The following SERGEF variants were observed in gnomAD, a reference collection of about 807,000 sequenced individuals.
SERGEF encodes secretion regulating guanine nucleotide exchange factor.
A neutral mutation model predicts 50.0 loss-of-function variants in SERGEF; 51 were observed. That is an observed-to-expected ratio of 1.02 (90% confidence interval 0.81 to 1.29). SERGEF has a LOEUF of 1.29. Ranked by LOEUF, SERGEF falls within the 50% of genes most tolerant of loss-of-function variation. SERGEF has a pLI of 0.00. For synonymous variants in SERGEF, 205 were observed against 212.4 expected, an observed-to-expected ratio of 0.97 and a Z score of 0.30; for missense variants, 521 against 557.0, an observed-to-expected ratio of 0.94 and a Z score of 0.65.
At chr11:17,887,867 C>T (rs1019671458) in intron 9 of SERGEF, among the ~76,000 whole-genome samples, 1 of 152,220 alleles carries the variant, frequency 6.6e-6, no homozygotes, top group African/African-American at 2.4e-5. Flanking sequence ...CCCTAGGCTG[C>T]AGACTGGTAA....
intron 10 of SERGEF, among the ~76,000 whole-genome samples, chr11:17,864,817 T>C (rs1850992057): frequency 1.3e-5 from 2 of 152,178 alleles, no homozygotes; most frequent in South Asian, 4.1e-4. Flanking sequence ...AAGCTAAACT[T>C]GAGTGCTAGT....
intron 10 of SERGEF, among the ~76,000 whole-genome samples, chr11:17,844,947 C>T (rs1196469035): frequency 6.6e-6 from 1 of 151,064 alleles, no homozygotes; most frequent in Non-Finnish European, 1.5e-5. Context: ...GAACAAAAAA[C>T]CCCTGTTTTA....
intron 9 of SERGEF, among the ~76,000 whole-genome samples, chr11:17,953,266 T>C (rs1479229869): frequency 6.6e-6 from 1 of 152,196 alleles, no homozygotes; most frequent in Admixed American, 6.5e-5. Flanking sequence ...AGGCAGAAAC[T>C]GTTCCACTCT....
intron 9 of SERGEF, among the ~76,000 whole-genome samples, chr11:17,922,596 G>C (rs1852179430): frequency 6.6e-6 from 1 of 152,138 alleles, no homozygotes; most frequent in African/African-American, 2.4e-5. Context: ...TGGTACTCAG[G>C]AGTTTACTCA....
intron 9 of SERGEF, among the ~76,000 whole-genome samples, chr11:17,935,666 A>G (rs1392243316): frequency 1.3e-5 from 2 of 152,190 alleles, no homozygotes; most frequent in African/African-American, 4.8e-5. Flanking sequence ...CCAACACAAA[A>G]GCCTTATTCC....
In SERGEF at chr11:17,844,454, T is replaced by A. The variant is rs186097560; in HGVS notation, c.1048+33754A>T. ...TAAGAACAGTATTTTCACCCTCTCG[T>A]ACCTCTGACCACCTCTTTCCTAGGC... On this transcript the variant is annotated intron_variant, in intron 10 of 10. Transcript: ENST00000265965. Among the ~76,000 whole-genome samples, 8 of 152,322 alleles carry A rather than the reference T, an allele frequency of 5.3e-5. No homozygotes were observed. The East Asian group carries it at 1.2e-3, about 22-fold the overall frequency.
chr11:17,953,276 T>A (rs1390745138), intron 9 of SERGEF, among the ~76,000 whole-genome samples: 2 of 152,248 alleles, frequency 1.3e-5, no homozygotes, highest in African/African-American at 4.8e-5. Flanking sequence ...TGTTCCACTC[T>A]TCTCTGCTTC....
At chr11:17,847,865 C>T (rs1850642958) in intron 10 of SERGEF, among the ~76,000 whole-genome samples, 1 of 152,120 alleles carries the variant, frequency 6.6e-6, no homozygotes. Flanking sequence ...GCCAGGGTAT[C>T]TGCAATTTAA....
chr11:17,869,704 T>G (rs1047610834), intron 10 of SERGEF, among the ~76,000 whole-genome samples: 3 of 152,158 alleles, frequency 2.0e-5, no homozygotes, highest in Non-Finnish European at 4.4e-5. Flanking sequence ...CGTTAGGGAA[T>G]AAATATCAAC....
At chr11:17,999,686 T>A (rs1413371744) in intron 5 of SERGEF, 1 of 398,450 alleles carries the variant, frequency 2.5e-6, no homozygotes, top group African/African-American at 2.1e-5. Context: ...GTCAGTCCCA[T>A]CACCCACTCA....
chr11:18,002,459 G>A (rs1180472238), intron 4 of SERGEF, among the ~76,000 whole-genome samples: 4 of 152,026 alleles, frequency 2.6e-5, no homozygotes, highest in African/African-American at 9.7e-5. Context: ...AACTACTTAC[G>A]ATATCCCAAA....
At chr11:17,914,352 AGATGACGATTTAAT>A (rs1852008685) in intron 9 of SERGEF, among the ~76,000 whole-genome samples, 1 of 152,246 alleles carries the variant, frequency 6.6e-6, no homozygotes, top group Non-Finnish European at 1.5e-5. Context: ...TTATCCTCAG[AGATGACGATTTAAT>A]GAATTTGGGG....
intron 10 of SERGEF, among the ~76,000 whole-genome samples, chr11:17,868,817 G>T (rs181161518): frequency 6.6e-6 from 1 of 152,258 alleles, no homozygotes; most frequent in East Asian, 1.9e-4. Context: ...CTTGTGCAGG[G>T]AAACTCCCCT....
chr11:17,954,705 C>T (rs2133967056), intron 9 of SERGEF, among the ~76,000 whole-genome samples: 1 of 152,338 alleles, frequency 6.6e-6, no homozygotes, highest in Non-Finnish European at 1.5e-5. Flanking sequence ...CACACACATG[C>T]ACGTGTATAC....
intron 9 of SERGEF, among the ~76,000 whole-genome samples, chr11:17,954,614 T>C (rs933716919): frequency 1.3e-5 from 2 of 152,216 alleles, no homozygotes; most frequent in African/African-American, 4.8e-5. Context: ...GCTGATGGCA[T>C]TTGGGCTTGA....
chr11:17,903,480 T>C lies in SERGEF; in HGVS notation c.1012-25236A>G, dbSNP rs551598388. Among the ~76,000 whole-genome samples, 17 of 152,306 alleles carry C rather than the reference T, an allele frequency of 1.1e-4. No homozygotes were observed. In the South Asian group the frequency reaches 3.5e-3, roughly 32 times the overall value. ...AGAAGATAGATATTTCCTTTTTCCC[T>C]CCCTGTTCTGACAAGGTTACCCTAG... On this transcript the variant is annotated intron_variant, in intron 9 of 10. Transcript: ENST00000265965.
At chr11:17,868,229 C>CA (rs1174655281) in intron 10 of SERGEF, among the ~76,000 whole-genome samples, 34 of 152,156 alleles carry the variant, frequency 2.2e-4, no homozygotes, top group Non-Finnish European at 4.1e-4. Flanking sequence ...TAACAGTGCC[C>CA]AAGTCACCTG....
chr11:17,835,810 G>A (rs1366475791), intron 10 of SERGEF, among the ~76,000 whole-genome samples: 1 of 152,196 alleles, frequency 6.6e-6, no homozygotes, highest in African/African-American at 2.4e-5. Flanking sequence ...ACAGATGCAG[G>A]TTCTGTTTTT....
At chr11:17,970,432 A>G (rs1853222812) in intron 8 of SERGEF, among the ~76,000 whole-genome samples, 1 of 152,090 alleles carries the variant, frequency 6.6e-6, no homozygotes, top group South Asian at 2.1e-4. Context: ...AGGCCTCCCT[A>G]TTTCCGGAGA....
Sources: allele counts gnomAD v4.1 joint callset (sites outside exome capture counted in the v4.1 genomes callset), GRCh38; gene constraint gnomAD v4.1.1; transcripts MANE v1.5; gene names NCBI Gene and HGNC (gene_info 2026-07-23, HGNC 2026-07-21).